SHTN1: variants seen among roughly 807,000 people sequenced by gnomAD.
SHTN1 encodes the protein shootin 1, also known as shootin-1.
SHTN1 carries 42 observed loss-of-function variants against 83.1 expected under a neutral mutation model. The observed-to-expected ratio is 0.51, with a 90% CI of 0.39 to 0.65. The LOEUF is 0.65. Among genes scored for constraint, SHTN1 ranks in the 30% least tolerant of loss-of-function variants. SHTN1 has a pLI of 0.00. For missense variants in SHTN1, 622 were observed against 737.8 expected (o/e 0.84, Z 1.82); for synonymous variants, 224 against 247.7 (o/e 0.90, Z 0.90).
intron 1 of SHTN1, among the ~76,000 whole-genome samples, chr10:117,072,152 G>C (rs1853089944): frequency 6.6e-6 from 1 of 152,136 alleles, no homozygotes; most frequent in South Asian, 2.1e-4. Flanking sequence ...GACTGGCCTA[G>C]CCTCCCAGCC....
At chr10:116,952,753 C>T (rs1454143054) in intron 5 of SHTN1, among the ~76,000 whole-genome samples, 2 of 152,160 alleles carry the variant, frequency 1.3e-5, no homozygotes, top group African/African-American at 2.4e-5. Context: ...ACTGTTTTGT[C>T]ACTTAGGTTT....
At chr10:116,988,597 G>C (rs898186246) in intron 1 of SHTN1, among the ~76,000 whole-genome samples, 12 of 150,784 alleles carry the variant, frequency 8.0e-5, no homozygotes, top group African/African-American at 2.9e-4. Context: ...CACCCAGGCT[G>C]GAGTGGAGTG....
At chr10:117,092,730 C>G (rs1341432878) in intron 1 of SHTN1, among the ~76,000 whole-genome samples, 1 of 152,122 alleles carries the variant, frequency 6.6e-6, no homozygotes, top group East Asian at 1.9e-4. Context: ...GAAGCTTGGA[C>G]TTATTCAGGG....
At chr10:117,001,092 A>G (rs1448370339) in intron 1 of SHTN1, among the ~76,000 whole-genome samples, 1 of 152,042 alleles carries the variant, frequency 6.6e-6, no homozygotes, top group East Asian at 1.9e-4. Context: ...TAGCTAGGAA[A>G]TATGCCTCGG....
intron 1 of SHTN1, among the ~76,000 whole-genome samples, chr10:117,120,595 T>C (rs10787759): frequency 0.65 from 98,550 of 152,016 alleles, 35,961 homozygotes; most frequent in Middle Eastern, 0.84. Context: ...AAACATCTCA[T>C]GTATCCCATA....
chr10:117,008,966 T>A (rs1451816913), upstream of SHTN1, among the ~76,000 whole-genome samples: 1 of 151,920 alleles, frequency 6.6e-6, no homozygotes, highest in Non-Finnish European at 1.5e-5. Context: ...ATATAAAAAA[T>A]AAGCTGGGCG....
intron 1 of SHTN1, among the ~76,000 whole-genome samples, chr10:116,985,894 C>A (rs1392349190): frequency 6.6e-6 from 1 of 152,152 alleles, no homozygotes; most frequent in East Asian, 1.9e-4. Context: ...AAAGAGAAGT[C>A]ATTTGTAACT....
At chr10:117,118,424 A>C (rs1241002490) in intron 1 of SHTN1, among the ~76,000 whole-genome samples, 2 of 150,968 alleles carry the variant, frequency 1.3e-5, no homozygotes, top group African/African-American at 4.9e-5. Flanking sequence ...ATTTGGAGAA[A>C]GGGGAACTCT....
chr10:116,964,920 C>T (rs1006624473), intron 3 of SHTN1, among the ~76,000 whole-genome samples: 2 of 151,966 alleles, frequency 1.3e-5, no homozygotes, highest in Non-Finnish European at 2.9e-5. Context: ...GGGCCAAGAA[C>T]ACGCCACTGT....
chr10:116,979,655 T>C (rs1850943932), intron 1 of SHTN1, among the ~76,000 whole-genome samples: 1 of 152,210 alleles, frequency 6.6e-6, no homozygotes, highest in Non-Finnish European at 1.5e-5. Flanking sequence ...CAGTTCTCCC[T>C]AGGTCATTAG....
At chr10:117,035,081 C>T (rs1311053315) in intron 2 of SHTN1, among the ~76,000 whole-genome samples, 1 of 152,174 alleles carries the variant, frequency 6.6e-6, no homozygotes, top group Non-Finnish European at 1.5e-5. Flanking sequence ...TCTAATTATA[C>T]TATGGGGCTA....
intron 2 of SHTN1, among the ~76,000 whole-genome samples, chr10:117,036,431 T>G (rs569002085): frequency 6.6e-6 from 1 of 152,218 alleles, no homozygotes; most frequent in Non-Finnish European, 1.5e-5. Flanking sequence ...GTGCTACTTA[T>G]ACACAATGGA....
intron 1 of SHTN1, among the ~76,000 whole-genome samples, chr10:117,092,951 G>A (rs931521327): frequency 2.6e-4 from 40 of 152,138 alleles, no homozygotes; most frequent in African/African-American, 8.4e-4. Flanking sequence ...TGACAGAGCT[G>A]AAATTCTTCA....
intron 1 of SHTN1, among the ~76,000 whole-genome samples, chr10:117,106,331 T>C (rs1853669029): frequency 6.6e-6 from 1 of 151,954 alleles, no homozygotes; most frequent in African/African-American, 2.4e-5. Flanking sequence ...GGCGGGCACC[T>C]GTAGTCCCAG....
At chr10:116,979,657 G>C (rs967174241) in intron 1 of SHTN1, among the ~76,000 whole-genome samples, 6 of 152,158 alleles carry the variant, frequency 3.9e-5, no homozygotes, top group African/African-American at 1.4e-4. Flanking sequence ...GTTCTCCCTA[G>C]GTCATTAGGA....
chr10:116,892,361 C>A lies in SHTN1; in HGVS notation c.1674-5795G>T, dbSNP rs141435333. Among the ~76,000 whole-genome samples, 1,031 of 152,306 alleles carry A rather than the reference C, an allele frequency of 6.8e-3. 15 individuals are homozygous for A. Among genetic ancestry groups the A allele is most frequent in the African/African-American group, 0.024 (996 of 41,564 alleles). On this transcript the variant is annotated intron_variant, in intron 16 of 16. Coordinates refer to ENST00000355371, the MANE Select transcript of SHTN1 (RefSeq NM_001127211.3). Reference sequence around the variant, plus strand: ...CAATGCGTGAACTACGATTTCAGCTCGGCCAAAGATTCTGAAATGTGGGTG... The same window carrying A: ...CAATGCGTGAACTACGATTTCAGCTAGGCCAAAGATTCTGAAATGTGGGTG...
chr10:116,946,679 T>G (rs1317452961), intron 7 of SHTN1, among the ~76,000 whole-genome samples: 2 of 145,236 alleles, frequency 1.4e-5, no homozygotes, highest in African/African-American at 5.0e-5. Context: ...ATAAAATGAT[T>G]TATATATATA....
At chr10:117,121,784 G>C (rs569071856) in intron 1 of SHTN1, among the ~76,000 whole-genome samples, 1 of 152,192 alleles carries the variant, frequency 6.6e-6, no homozygotes, top group East Asian at 1.9e-4. Flanking sequence ...TGTAATCCCA[G>C]CACTTTGGGA....
chr10:117,002,699 G>T (rs1317234316), intron 1 of SHTN1, among the ~76,000 whole-genome samples: 1 of 152,136 alleles, frequency 6.6e-6, no homozygotes, highest in Non-Finnish European at 1.5e-5. Flanking sequence ...GAAGTAAATT[G>T]TTTCCACAGT....
Sources: gnomAD v4.1 joint callset for allele counts (sites outside exome capture counted in the v4.1 genomes callset) on GRCh38, gnomAD v4.1.1 for gene constraint, MANE v1.5 for transcripts, NCBI Gene and HGNC (gene_info 2026-07-23, HGNC 2026-07-21) for gene names.